The following AAK1 variants were observed in gnomAD, a reference collection of about 807,000 sequenced individuals.
The protein encoded by AAK1 is AP2 associated kinase 1, also known as AP2-associated protein kinase 1.
In AAK1, 37 loss-of-function variants were observed where a neutral mutation model predicts 116.0. That is an observed-to-expected ratio of 0.32 (90% CI 0.25 to 0.42). The LOEUF (loss-of-function observed/expected upper bound fraction) is 0.42, where lower values mean the gene tolerates loss of function less well. AAK1 is among the 10% of genes least tolerant of loss of function. The probability of loss-of-function intolerance (pLI) is 1.00; values close to 1 mark genes in which losing one functional copy is unlikely to be tolerated. For missense variants in AAK1, 919 were observed against 1,170.6 expected, an observed-to-expected ratio of 0.79 and a Z score of 3.14; for synonymous variants, 458 against 439.9, an observed-to-expected ratio of 1.04 and a Z score of -0.51.
chr2:69,474,229 G>A lies in AAK1; in HGVS notation c.*1640C>T. On this transcript the variant is annotated 3_prime_UTR_variant, in exon 22 of 22. Coordinates refer to ENST00000409085, the MANE Select transcript of AAK1 (RefSeq NM_014911.5). ...CAAATGTGAGGAAGAAGAAACAAAA[G>A]TACTAGATAGCAAAACAAGCAAATG... 8.1e-6 allele frequency: 8 copies of A among 985,790 alleles called. No homozygotes were observed. Among genetic ancestry groups the A allele is most frequent in the Non-Finnish European group, 9.6e-6 (8 of 829,918 alleles). The allele number at this position is 985,790 out of a possible 1,614,324, so 61.1% of individuals were successfully genotyped here.
At chr2:69,476,386 C>T (rs139846469) in intron 21 of AAK1, among the ~76,000 whole-genome samples, 280 of 152,194 alleles carry the variant, frequency 1.8e-3, no homozygotes, top group African/African-American at 6.3e-3. Flanking sequence ...TAAGAACATG[C>T]TTTAAAAAAT....
intron 16 of AAK1, among the ~76,000 whole-genome samples, chr2:69,500,664 A>AAT (rs34635707): frequency 0.052 from 3,163 of 60,564 alleles, 176 homozygotes; most frequent in Middle Eastern, 0.1. Flanking sequence ...AGTCCCTTAA[A>AAT]ATATATATAT....
Position 69,468,187 on chromosome 2 carries a change from T to A in AAK1, c.*7682A>T. 1 of 985,422 alleles carries A rather than the reference T, an allele frequency of 1.0e-6. No individual in the cohort carries two copies. Among genetic ancestry groups the A allele is most frequent in the Non-Finnish European group, 1.2e-6 (1 of 829,928 alleles). 61.0% of individuals were successfully genotyped at this position (985,422 alleles called of 1,614,324 possible). A position where few individuals can be genotyped will look rare whatever the true frequency, so the allele number is the denominator to read the frequency against. ...CTACATGGTGATACGAAAGCATCAGTCAGTGGACAGGAAATAAACAGAATA... is the reference window on the plus strand; with the variant it reads ...CTACATGGTGATACGAAAGCATCAGACAGTGGACAGGAAATAAACAGAATA... On this transcript the variant is annotated 3_prime_UTR_variant, in exon 22 of 22. Transcript: ENST00000409085.
At position 69,465,870 on chromosome 2, in the gene AAK1, C is replaced by A. The variant is rs376431257; in HGVS notation, c.*9999G>T. On this transcript the variant is annotated 3_prime_UTR_variant, in exon 22 of 22. Coordinates refer to ENST00000409085, the MANE Select transcript of AAK1 (RefSeq NM_014911.5). ...GACAGAGGTGTACACAGCTCTCTCA[C>A]GGCCCGCGGGCAGGGGGACATCACC... The A allele has an allele frequency of 2.1e-5, 27 of 1,290,718 alleles. No homozygotes were observed. In the African/African-American group the frequency reaches 3.6e-4, roughly 17 times the overall value. The allele number at this position is 1,290,718 out of a possible 1,614,324, so 80.0% of individuals were successfully genotyped here.
chr2:69,537,085 C>T (rs1221592677), intron 5 of AAK1, among the ~76,000 whole-genome samples: 1 of 152,206 alleles, frequency 6.6e-6, no homozygotes, highest in Non-Finnish European at 1.5e-5. Flanking sequence ...GATCACTCAA[C>T]TACCTGTGCA....
At chr2:69,531,945 C>T (rs2105026729) in intron 6 of AAK1, 96 bp downstream of exon 6, 1 of 1,534,546 alleles carries the variant, frequency 6.5e-7, no homozygotes, top group Non-Finnish European at 8.9e-7. Flanking sequence ...TGACTATCAC[C>T]ATTCTCTCCC....
Position 69,470,733 on chromosome 2 carries a change from G to A in AAK1, c.*5136C>T, listed in dbSNP as rs1671396401. ...TCTTATTCTCCTTGAGACTAAAACA[G>A]GGGTTTTACTCTCTCAGGTAGCCAT... On this transcript the variant is annotated 3_prime_UTR_variant, in exon 22 of 22. Transcript: ENST00000409085. 1 of 985,582 alleles carries A rather than the reference G, an allele frequency of 1.0e-6. No homozygotes were observed. 61.1% of individuals were successfully genotyped at this position (985,582 alleles called of 1,614,324 possible). A position where few individuals can be genotyped will look rare whatever the true frequency, so the allele number is the denominator to read the frequency against.
chr2:69,517,778 CAAAAA>C (rs899762249), intron 12 of AAK1, among the ~76,000 whole-genome samples: 1 of 57,534 alleles, frequency 1.7e-5, no homozygotes, highest in Non-Finnish European at 3.8e-5. Flanking sequence ...TGACAAAAAG[CAAAAA>C]AAAAAAAAAA....
chr2:69,522,595 G>C (rs1450375580), intron 10 of AAK1, among the ~76,000 whole-genome samples: 1 of 152,220 alleles, frequency 6.6e-6, no homozygotes, highest in Non-Finnish European at 1.5e-5. Flanking sequence ...CTTGAGGTCA[G>C]GAGTTTGAGA....
At chr2:69,517,061 A>T (rs1033228331) in intron 12 of AAK1, 3 of 152,226 alleles carry the variant, frequency 2.0e-5, no homozygotes, top group African/African-American at 7.2e-5. Flanking sequence ...AAAACAAAAC[A>T]AAAAAAGCAA....
Position 69,532,067 on chromosome 2 carries a change from G to C in AAK1, c.630C>G (p.Val210=). 6.2e-7 allele frequency: 1 copy of C among 1,613,504 alleles called. No individual in the cohort carries two copies. The highest frequency in any genetic ancestry group is 1.1e-5 in the South Asian group (1 of 91,066). Residue 210 remains valine, a synonymous_variant, in exon 6 of 22, where the codon GTC becomes GTG. Coordinates refer to ENST00000409085, the MANE Select transcript of AAK1 (RefSeq NM_014911.5). The part of the protein sequence containing the change: ...NKFQNPQTEG[V]NAVEDEIKKY... ...TCTTAATCTCATCTTCTACTGCATT[G>C]ACTCCCTCAGTTTGTGGATTCTGGA...
intron 2 of AAK1, among the ~76,000 whole-genome samples, chr2:69,574,377 C>CAAAAAA (rs58486434): frequency 1.3e-5 from 1 of 74,886 alleles, no homozygotes; most frequent in African/African-American, 5.0e-5. Flanking sequence ...GACTCCCTCT[C>CAAAAAA]AAAAAAAAAA....
chr2:69,503,425 T>C (rs1558915755), intron 16 of AAK1, among the ~76,000 whole-genome samples: 1 of 152,366 alleles, frequency 6.6e-6, no homozygotes, highest in Middle Eastern at 3.4e-3. Flanking sequence ...GTGTTTATAA[T>C]AGTAAATACT....
intron 11 of AAK1, among the ~76,000 whole-genome samples, chr2:69,519,722 G>T (rs539541072): frequency 6.6e-6 from 1 of 152,266 alleles, no homozygotes; most frequent in South Asian, 2.1e-4. Context: ...CGATATTTTG[G>T]ATCAATCCTT....
intron 16 of AAK1, chr2:69,500,319 G>A (rs1234393488): frequency 1.3e-5 from 2 of 152,092 alleles, no homozygotes; most frequent in Admixed American, 1.3e-4. Flanking sequence ...CAAGAGAGAG[G>A]GGAAAATATC....
At chr2:69,515,076 G>A (rs1676530270) in intron 12 of AAK1, among the ~76,000 whole-genome samples, 1 of 152,192 alleles carries the variant, frequency 6.6e-6, no homozygotes, top group Non-Finnish European at 1.5e-5. Flanking sequence ...GAGTATAGCA[G>A]GAGCTAATAA....
intron 20 of AAK1, among the ~76,000 whole-genome samples, chr2:69,477,317 T>C (rs1674891670): frequency 6.6e-6 from 1 of 152,100 alleles, no homozygotes; most frequent in Admixed American, 6.5e-5. Flanking sequence ...TAGGAATAAG[T>C]CACTTGTCTT....
chr2:69,543,892 T>C (rs970875218), intron 4 of AAK1, among the ~76,000 whole-genome samples: 4 of 152,250 alleles, frequency 2.6e-5, no homozygotes, highest in African/African-American at 2.4e-5. Context: ...TTTTTGAAAC[T>C]TGAAGCTTTC....
In AAK1 at chr2:69,514,585, T is replaced by C; in HGVS notation, c.1662A>G (p.Gln554=). The change falls in exon 13 of 22, where the codon CAA becomes CAG. Residue 554 remains glutamine, a synonymous_variant. Transcript: ENST00000409085. The part of the protein sequence containing the change: ...QQQLATALHQ[Q]QLMTQQAALQ... ...AGGCAGCCTGCTGAGTCATCAGCTG[T>C]TGTTGATGCAGGGCTGTGGCCAGCT... 1 of 1,580,542 alleles carries C rather than the reference T, an allele frequency of 6.3e-7. No homozygotes were observed. The highest frequency in any genetic ancestry group is 8.6e-7 in the Non-Finnish European group (1 of 1,163,170).
Sources: gnomAD v4.1 joint callset for allele counts (sites outside exome capture counted in the v4.1 genomes callset) on GRCh38, gnomAD v4.1.1 for gene constraint, MANE v1.5 for transcripts, NCBI Gene and HGNC (gene_info 2026-07-23, HGNC 2026-07-21) for gene names.